SLC17A1: variants seen among roughly 807,000 people sequenced by gnomAD.
SLC17A1 encodes solute carrier family 17 member 1.
Under a neutral mutation model 53.5 loss-of-function variants are expected in SLC17A1, and 51 were observed. That is an observed-to-expected ratio of 0.95 (90% CI 0.76 to 1.20). The LOEUF (loss-of-function observed/expected upper bound fraction) is 1.20, where lower values mean the gene tolerates loss of function less well. Among genes scored for constraint, SLC17A1 ranks in the 50% most tolerant of loss-of-function variants. The pLI is 0.00. For synonymous variants in SLC17A1, 179 were observed against 198.8 expected, an observed-to-expected ratio of 0.90 and a Z score of 0.84; for missense variants, 538 against 568.2, an observed-to-expected ratio of 0.95 and a Z score of 0.54.
chr6:25,817,947 G>A (rs148432808), intron 6 of SLC17A1, among the ~76,000 whole-genome samples: 29 of 152,286 alleles, frequency 1.9e-4, no homozygotes, highest in African/African-American at 6.0e-4. Context: ...GTCATTAACA[G>A]CAATGGAATT....
At chr6:25,790,412 AT>A (rs1334682157) in intron 12 of SLC17A1, among the ~76,000 whole-genome samples, 1 of 152,114 alleles carries the variant, frequency 6.6e-6, no homozygotes, top group Non-Finnish European at 1.5e-5. Flanking sequence ...CTTCTATTTT[AT>A]TTTTTAATTG....
the SLC17A1 span, among the ~76,000 whole-genome samples, chr6:25,769,782 A>AT: frequency 2.6e-3 from 381 of 148,070 alleles, 2 homozygotes; most frequent in African/African-American, 8.1e-3. Flanking sequence ...CCTTCCACGT[A>AT]TTTTTTTTTT....
chr6:25,826,847 T>G (rs915046731), intron 2 of SLC17A1, among the ~76,000 whole-genome samples: 1 of 152,078 alleles, frequency 6.6e-6, no homozygotes, highest in African/African-American at 2.4e-5. Context: ...CAGCTAGAAG[T>G]TCCAAGAAAA....
chr6:25,769,305 C>A, the SLC17A1 span: 2 of 992,330 alleles, frequency 2.0e-6, no homozygotes, highest in Non-Finnish European at 3.0e-6. Flanking sequence ...GTACTATGTG[C>A]CAGGAATGGC....
chr6:25,820,063 C>T (rs1014928942), intron 3 of SLC17A1, 148 bp from the exon 4 acceptor site: 2 of 594,144 alleles, frequency 3.4e-6, no homozygotes, highest in South Asian at 2.2e-5. Flanking sequence ...CTTCTTTATT[C>T]TTTTATCACA....
chr6:25,802,438 T>C (rs1049588034), intron 10 of SLC17A1, among the ~76,000 whole-genome samples: 18 of 152,308 alleles, frequency 1.2e-4, no homozygotes, highest in Admixed American at 5.9e-4. Context: ...TTTCTCTTCT[T>C]TTGTTCCTAT....
intron 3 of SLC17A1, among the ~76,000 whole-genome samples, chr6:25,823,738 G>T (rs202113367): frequency 3.3e-5 from 5 of 151,634 alleles, no homozygotes; most frequent in Non-Finnish European, 5.9e-5. Flanking sequence ...TCACTGGCTT[G>T]TTTTTTCATT....
At chr6:25,726,003 AG>A in the SLC17A1 span, 25 of 818,614 alleles carry the variant, frequency 3.1e-5, no homozygotes, top group Non-Finnish European at 4.7e-5. Context: ...GTGACAGGCA[AG>A]TAAGATGGCT....
chr6:25,811,333 G>A (rs567535913), intron 10 of SLC17A1, 65 bp downstream of exon 10: 1 of 1,468,664 alleles, frequency 6.8e-7, no homozygotes, highest in Non-Finnish European at 9.3e-7. Flanking sequence ...ATCATGTTGT[G>A]CACAATAAAT....
At chr6:25,766,759 C>T in the SLC17A1 span, among the ~76,000 whole-genome samples, 2 of 152,144 alleles carry the variant, frequency 1.3e-5, no homozygotes, top group Non-Finnish European at 1.5e-5. Context: ...CTGACTGGTG[C>T]GTTTCAAAAC....
the SLC17A1 span, among the ~76,000 whole-genome samples, chr6:25,761,177 T>A: frequency 2.0e-5 from 3 of 152,196 alleles, no homozygotes; most frequent in African/African-American, 7.2e-5. Context: ...ATATGAACTT[T>A]CACAATTTTC....
chr6:25,820,254 A>C (rs1216109400), intron 3 of SLC17A1, among the ~76,000 whole-genome samples: 1 of 152,162 alleles, frequency 6.6e-6, no homozygotes, highest in Non-Finnish European at 1.5e-5. Flanking sequence ...TTAAATAGTT[A>C]ATTTCCTGTA....
chr6:25,795,649 A>T (rs773035196), intron 12 of SLC17A1, among the ~76,000 whole-genome samples: 14 of 152,192 alleles, frequency 9.2e-5, no homozygotes, highest in Non-Finnish European at 1.8e-4. Flanking sequence ...GAACCCAGCT[A>T]TATGCCCTCT....
intron 6 of SLC17A1, among the ~76,000 whole-genome samples, chr6:25,817,068 C>T (rs901047550): frequency 3.3e-5 from 5 of 151,512 alleles, no homozygotes; most frequent in Admixed American, 6.6e-5. Flanking sequence ...AGGCTGGTCC[C>T]GAACTCCTGA....
At chr6:25,764,861 A>G in the SLC17A1 span, among the ~76,000 whole-genome samples, 3 of 152,246 alleles carry the variant, frequency 2.0e-5, no homozygotes, top group Non-Finnish European at 4.4e-5. Context: ...AAATATGAGT[A>G]ACTGCAGAAA....
chr6:25,826,655 C>T (rs756172720), intron 2 of SLC17A1, 22 bp from the exon 3 acceptor site: 12 of 1,528,430 alleles, frequency 7.9e-6, no homozygotes, highest in South Asian at 2.6e-5. Flanking sequence ...AACAGAAAGT[C>T]GCAATTGCTG....
the SLC17A1 span, among the ~76,000 whole-genome samples, chr6:25,749,508 T>C: frequency 2.6e-5 from 4 of 152,172 alleles, no homozygotes; most frequent in Non-Finnish European, 5.9e-5. Flanking sequence ...AATGAAGTCA[T>C]TGAAAATAAA....
chr6:25,788,846 C>G (rs1454674407), intron 12 of SLC17A1, among the ~76,000 whole-genome samples: 1 of 152,014 alleles, frequency 6.6e-6, no homozygotes, highest in Non-Finnish European at 1.5e-5. Flanking sequence ...AACATTAATC[C>G]TAATAGGAGC....
At chr6:25,763,062 C>A in the SLC17A1 span, among the ~76,000 whole-genome samples, 1 of 152,194 alleles carries the variant, frequency 6.6e-6, no homozygotes, top group Non-Finnish European at 1.5e-5. Flanking sequence ...CTCATTATTA[C>A]CACTCACATA....
Sources: gnomAD v4.1 joint callset for allele counts (sites outside exome capture counted in the v4.1 genomes callset) on GRCh38, gnomAD v4.1.1 for gene constraint, MANE v1.5 for transcripts, NCBI Gene and HGNC (gene_info 2026-07-23, HGNC 2026-07-21) for gene names.